DIS3L2: variants seen among roughly 807,000 people sequenced by gnomAD.
The protein encoded by DIS3L2 is DIS3-like exonuclease 2.
DIS3L2 carries 34 observed loss-of-function variants against 97.5 expected under a neutral mutation model. The ratio of observed to expected loss-of-function variants is 0.35; its 90% CI spans 0.27 to 0.46. DIS3L2 has a LOEUF of 0.46. Among genes scored for constraint, DIS3L2 ranks in the 20% least tolerant of loss-of-function variants. The pLI is 1.00. For synonymous variants in DIS3L2, 435 were observed against 445.2 expected (o/e 0.98, Z 0.29); for missense variants, 1,038 against 1,146.0 (o/e 0.91, Z 1.36).
At chr2:232,148,951 T>C (rs1015041679) in intron 8 of DIS3L2, among the ~76,000 whole-genome samples, 44 of 148,182 alleles carry the variant, frequency 3.0e-4, no homozygotes, top group African/African-American at 8.8e-4. Flanking sequence ...ACTCCAAATA[T>C]ACCATCTTTT....
At chr2:232,190,858 G>A (rs1167266077) in intron 9 of DIS3L2, among the ~76,000 whole-genome samples, 5 of 152,110 alleles carry the variant, frequency 3.3e-5, no homozygotes, top group African/African-American at 1.2e-4. Flanking sequence ...GGTGGTGTTG[G>A]GGGCACAGAA....
chr2:232,124,894 C>A (rs544680551), intron 6 of DIS3L2, among the ~76,000 whole-genome samples: 9 of 152,256 alleles, frequency 5.9e-5, no homozygotes, highest in African/African-American at 1.7e-4. Context: ...ATAATTTAAC[C>A]ATTTCTCATT....
At chr2:232,071,970 A>G (rs73087838) in intron 5 of DIS3L2, among the ~76,000 whole-genome samples, 36,416 of 152,112 alleles carry the variant, frequency 0.24, 7,514 homozygotes, top group African/African-American at 0.56. Flanking sequence ...GAGCTCTAAG[A>G]TTGCTTGTAA....
chr2:232,312,927 A>G (rs536812376), intron 14 of DIS3L2, among the ~76,000 whole-genome samples: 2 of 152,310 alleles, frequency 1.3e-5, no homozygotes, highest in South Asian at 2.1e-4. Flanking sequence ...CTTGTTATCA[A>G]TTACTTTCCT....
chr2:232,298,364 A>C (rs1188550532), intron 13 of DIS3L2, among the ~76,000 whole-genome samples: 2 of 152,240 alleles, frequency 1.3e-5, no homozygotes. Context: ...AATGGACAGA[A>C]TGAATATAGA....
intron 14 of DIS3L2, among the ~76,000 whole-genome samples, chr2:232,310,087 C>T (rs989755798): frequency 3.3e-5 from 5 of 152,320 alleles, no homozygotes; most frequent in African/African-American, 9.6e-5. Flanking sequence ...GATGCCAGCT[C>T]CTCAGGCTAA....
At chr2:232,078,185 A>G (rs995467265) in intron 5 of DIS3L2, among the ~76,000 whole-genome samples, 6 of 151,904 alleles carry the variant, frequency 3.9e-5, no homozygotes, top group African/African-American at 1.5e-4. Context: ...CTGGGACTAC[A>G]GGCGCGTGCC....
chr2:232,134,066 A>G (rs755282741), intron 7 of DIS3L2, among the ~76,000 whole-genome samples: 7 of 151,980 alleles, frequency 4.6e-5, no homozygotes, highest in Admixed American at 1.3e-4. Flanking sequence ...TAAAAACACT[A>G]TTGGATAGGC....
intron 9 of DIS3L2, among the ~76,000 whole-genome samples, chr2:232,188,245 C>T (rs1405457736): frequency 1.3e-5 from 2 of 152,170 alleles, no homozygotes; most frequent in African/African-American, 4.8e-5. Flanking sequence ...GAATGATTGC[C>T]ATGGGTATGG....
At chr2:232,330,036 G>A (rs1695690737) in intron 15 of DIS3L2, 40 bp downstream of exon 15, 4 of 1,570,706 alleles carry the variant, frequency 2.5e-6, no homozygotes, top group Non-Finnish European at 2.6e-6. Context: ...CCTGCTTGGG[G>A]GAAAGAAGAG....
intron 3 of DIS3L2, among the ~76,000 whole-genome samples, chr2:232,016,171 A>T (rs1168641505): frequency 6.6e-6 from 1 of 152,226 alleles, no homozygotes; most frequent in Non-Finnish European, 1.5e-5. Flanking sequence ...GAAGCAGTAA[A>T]CAACAATAGA....
Position 232,015,643 on chromosome 2 carries a change from A to G in DIS3L2, c.182A>G (p.Glu61Gly). 6.2e-7 allele frequency: 1 copy of G among 1,614,010 alleles called. No homozygotes were observed. Among genetic ancestry groups the G allele is most frequent in the South Asian group, 1.1e-5 (1 of 91,076 alleles). Residue 61 changes from glutamate (E) to glycine (G), a missense_variant, in exon 3 of 21, where the codon GAA becomes GGA. Glu to Gly is a moderately conservative substitution (Grantham distance 98). Coordinates refer to ENST00000325385, the MANE Select transcript of DIS3L2 (RefSeq NM_152383.5). ...TACATGTCCAAGGAGGATGTTTCAGAAGGCTTGAAGAGAGGAACACTCATC... is the reference window on the plus strand; with the variant it reads ...TACATGTCCAAGGAGGATGTTTCAGGAGGCTTGAAGAGAGGAACACTCATC... The part of the protein sequence containing the change: ...ETYMSKEDVS[E>G]GLKRGTLIQG...
intron 14 of DIS3L2, 35 bp downstream of exon 14, chr2:232,300,154 A>C: frequency 6.3e-7 from 1 of 1,599,862 alleles, no homozygotes; most frequent in Non-Finnish European, 8.6e-7. Flanking sequence ...GTCACTTCAC[A>C]TGTGTGCAGC....
intron 7 of DIS3L2, among the ~76,000 whole-genome samples, chr2:232,134,913 A>G (rs1404405718): frequency 6.6e-6 from 1 of 152,048 alleles, no homozygotes; most frequent in Non-Finnish European, 1.5e-5. Flanking sequence ...AAGGGAGGAA[A>G]GGATTCGAGG....
intron 11 of DIS3L2, among the ~76,000 whole-genome samples, chr2:232,247,616 C>CGGTGGGGGGGGGGGGGGGGG (rs1559173558): frequency 1.5e-4 from 1 of 6,518 alleles, no homozygotes; most frequent in Non-Finnish European, 6.3e-4. Flanking sequence ...ATAACTGCCG[C>CGGTGGGGGGGGGGGGGGGGG]GGGGGGGGGG....
Position 231,984,456 on chromosome 2 carries a change from G to A in DIS3L2, c.-94+22691G>A, listed in dbSNP as rs552730383. ...GGCTGGAGTGCAGTGGCGCGATCTC[G>A]GCTCACTGCAAGCTCCGCCTCCCGG... On this transcript the variant is annotated intron_variant, in intron 1 of 20. Transcript: ENST00000325385. 2.1e-5 allele frequency among the ~76,000 whole-genome samples: 3 copies of A among 144,954 alleles called. No individual in the cohort carries two copies. In the East Asian group the frequency reaches 6.1e-4, roughly 29 times the overall value.
At chr2:232,154,031 C>G (rs1372968372) in intron 8 of DIS3L2, among the ~76,000 whole-genome samples, 9 of 131,094 alleles carry the variant, frequency 6.9e-5, no homozygotes, top group Non-Finnish European at 1.3e-4. Flanking sequence ...ACGTAGTTCT[C>G]GAGCCTTGGT....
At chr2:232,176,894 C>T (rs1161597560) in intron 9 of DIS3L2, among the ~76,000 whole-genome samples, 6 of 147,722 alleles carry the variant, frequency 4.1e-5, no homozygotes, top group African/African-American at 1.2e-4. Context: ...CATGCTGGTG[C>T]GCTGCACCCA....
chr2:232,027,565 C>A (rs1169966640), intron 4 of DIS3L2, among the ~76,000 whole-genome samples: 1 of 152,154 alleles, frequency 6.6e-6, no homozygotes, highest in Non-Finnish European at 1.5e-5. Context: ...TTTAGGTTTG[C>A]TCTTACTCAC....
Sources: allele counts gnomAD v4.1 joint callset (sites outside exome capture counted in the v4.1 genomes callset), GRCh38; gene constraint gnomAD v4.1.1; transcripts MANE v1.5; gene names NCBI Gene and HGNC (gene_info 2026-07-23, HGNC 2026-07-21).